Variants in PTPRT observed in about 807,000 individuals in gnomAD.
PTPRT encodes the protein protein tyrosine phosphatase receptor type T.
Under a neutral mutation model 176.8 loss-of-function variants are expected in PTPRT, and 56 were observed. The observed-to-expected ratio is 0.32, with a 90% CI of 0.26 to 0.40. The LOEUF is 0.40. PTPRT is among the 10% of genes least tolerant of loss of function. The pLI is 1.00. For missense variants in PTPRT, 1,540 were observed against 1,908.2 expected (o/e 0.81, Z 3.60); for synonymous variants, 783 against 739.0 (o/e 1.06, Z -0.96).
the PTPRT span, among the ~76,000 whole-genome samples, chr20:42,051,354 C>T: frequency 6.6e-5 from 10 of 152,280 alleles, no homozygotes; most frequent in East Asian, 1.9e-3. Context: ...GAATTGGGTG[C>T]AATGGCTTAT....
At chr20:42,359,724 G>C (rs1011412665) in intron 9 of PTPRT, among the ~76,000 whole-genome samples, 74 of 152,346 alleles carry the variant, frequency 4.9e-4, no homozygotes, top group African/African-American at 1.7e-3. Flanking sequence ...AGGCTTCCCT[G>C]CTTTCCAAAG....
At chr20:42,295,633 TGAGA>T (rs554284179) in intron 12 of PTPRT, among the ~76,000 whole-genome samples, 109 of 150,178 alleles carry the variant, frequency 7.3e-4, no homozygotes, top group Middle Eastern at 6.9e-3. Flanking sequence ...AACTAAAAAT[TGAGA>T]GAGAGAGAGA....
intron 11 of PTPRT, among the ~76,000 whole-genome samples, chr20:42,336,436 G>A (rs1025870930): frequency 6.6e-6 from 1 of 152,112 alleles, no homozygotes; most frequent in Non-Finnish European, 1.5e-5. Flanking sequence ...TGGGGGAGGG[G>A]GGGTTGTAAA....
chr20:42,238,233 C>T (rs961849859), intron 14 of PTPRT, among the ~76,000 whole-genome samples: 8 of 152,176 alleles, frequency 5.3e-5, no homozygotes, highest in Admixed American at 1.3e-4. Context: ...AAAGCCCAAC[C>T]CTACACACCC....
chr20:43,073,136 G>A (rs943392701), intron 1 of PTPRT, among the ~76,000 whole-genome samples: 5 of 152,070 alleles, frequency 3.3e-5, no homozygotes, highest in Non-Finnish European at 7.4e-5. Flanking sequence ...TATCATAAGG[G>A]GACCACACGC....
At position 42,823,940 on chromosome 20, in the gene PTPRT, T is replaced by TA. The variant is rs575660762; in HGVS notation, c.215-32475dup. ...AAAAAAGTTCAGTAAGATGAGTGGT[T>TA]AAAAAACAAATAGATAAAACACAAC... On this transcript the variant is annotated intron_variant, in intron 2 of 30. Transcript: ENST00000373187. Among the ~76,000 whole-genome samples the TA allele has an allele frequency of 2.5e-3, 373 of 151,870 alleles. 2 individuals are homozygous for TA. The highest frequency in any genetic ancestry group is 7.9e-3 in the African/African-American group (327 of 41,488).
chr20:42,457,388 T>G (rs542198324), intron 8 of PTPRT, among the ~76,000 whole-genome samples: 1 of 152,192 alleles, frequency 6.6e-6, no homozygotes, highest in Non-Finnish European at 1.5e-5. Context: ...GCGTATTAGT[T>G]TTTTTGTTTT....
chr20:42,181,544 T>TA (rs1990526412), intron 16 of PTPRT, among the ~76,000 whole-genome samples: 1 of 152,148 alleles, frequency 6.6e-6, no homozygotes, highest in African/African-American at 2.4e-5. Context: ...TCTATGGGAT[T>TA]AAAATCTAAG....
intron 8 of PTPRT, among the ~76,000 whole-genome samples, chr20:42,459,435 T>C (rs954960966): frequency 6.6e-6 from 1 of 152,174 alleles, no homozygotes; most frequent in Non-Finnish European, 1.5e-5. Flanking sequence ...TGGTGCTGTG[T>C]TGAGAAAAGA....
In PTPRT at chr20:42,265,265, A is replaced by G. The variant is rs2056820403; in HGVS notation, c.2177-16443T>C. Reference sequence around the variant, plus strand: ...TAATGTCTATGGGCACAGAGCATGGAGAGTATGATTACAGACTGTCTTGAG... The same window carrying G: ...TAATGTCTATGGGCACAGAGCATGGGGAGTATGATTACAGACTGTCTTGAG... On this transcript the variant is annotated intron_variant, in intron 13 of 30. Coordinates refer to ENST00000373187, the MANE Select transcript of PTPRT (RefSeq NM_007050.6). Among the ~76,000 whole-genome samples, 3 of 152,082 alleles carry G rather than the reference A, an allele frequency of 2.0e-5. No homozygotes were observed. The South Asian group carries it at 6.2e-4, about 32-fold the overall frequency.
chr20:42,892,230 T>C lies in PTPRT; in HGVS notation c.89-6298A>G, dbSNP rs377676200. ...TCACAGTTGAATGTAATGGAGGCTT[T>C]ACCTACAGTATCTAACCCTCACCAC... On this transcript the variant is annotated intron_variant, in intron 1 of 30. Transcript: ENST00000373187. Among the ~76,000 whole-genome samples the C allele has an allele frequency of 3.9e-5, 6 of 152,328 alleles. No homozygotes were observed. The East Asian group carries it at 9.6e-4, about 24-fold the overall frequency.
At chr20:42,517,965 C>T (rs558373705) in intron 7 of PTPRT, among the ~76,000 whole-genome samples, 52 of 151,992 alleles carry the variant, frequency 3.4e-4, no homozygotes, top group Non-Finnish European at 6.6e-4. Context: ...TTGTTCAAAT[C>T]GTCATCCTGA....
intron 1 of PTPRT, among the ~76,000 whole-genome samples, chr20:43,137,981 G>C (rs1253654767): frequency 6.6e-6 from 1 of 152,154 alleles, no homozygotes; most frequent in Non-Finnish European, 1.5e-5. Flanking sequence ...TTCAAGTTTT[G>C]TCTACCACCC....
In PTPRT at chr20:42,322,341, C is replaced by G. The variant is rs796124094; in HGVS notation, c.1866-6345G>C. Among the ~76,000 whole-genome samples, 647 of 149,498 alleles carry G rather than the reference C, an allele frequency of 4.3e-3. 7 individuals carry two copies. Among genetic ancestry groups the G allele is most frequent in the African/African-American group, 0.015 (610 of 39,604 alleles). ...AAAAGAACAAAGCTGGAGGCATCACCCTACCTGACTTCAAACTATACTACA... is the reference window on the plus strand; with the variant it reads ...AAAAGAACAAAGCTGGAGGCATCACGCTACCTGACTTCAAACTATACTACA... On this transcript the variant is annotated intron_variant, in intron 11 of 30. Coordinates refer to ENST00000373187, the MANE Select transcript of PTPRT (RefSeq NM_007050.6).
intron 14 of PTPRT, among the ~76,000 whole-genome samples, chr20:42,243,481 C>T (rs6030083): frequency 0.47 from 71,277 of 151,960 alleles, 18,693 homozygotes; most frequent in Non-Finnish European, 0.58. Context: ...GAGATGGTAA[C>T]ATTTGGGAGT....
the PTPRT span, among the ~76,000 whole-genome samples, chr20:42,052,086 A>G: frequency 2.6e-4 from 39 of 152,198 alleles, no homozygotes; most frequent in Non-Finnish European, 8.8e-5. Context: ...TTGCTTCCGG[A>G]CATCTGGGGT....
chr20:42,294,150 T>A (rs1323752336), intron 12 of PTPRT, among the ~76,000 whole-genome samples: 2 of 152,016 alleles, frequency 1.3e-5, no homozygotes, highest in African/African-American at 4.8e-5. Flanking sequence ...GTAAAAACAA[T>A]TTGGAAGAGA....
At chr20:42,515,206 TG>T (rs570327272) in intron 7 of PTPRT, among the ~76,000 whole-genome samples, 88 of 152,248 alleles carry the variant, frequency 5.8e-4, no homozygotes, top group African/African-American at 2.1e-3. Flanking sequence ...TGGACAAGTT[TG>T]GGCATGGTGG....
chr20:43,117,378 C>T (rs550467175), intron 1 of PTPRT, among the ~76,000 whole-genome samples: 2 of 152,312 alleles, frequency 1.3e-5, no homozygotes, highest in Non-Finnish European at 2.9e-5. Flanking sequence ...ATGTTTATCC[C>T]ATTCCATAAT....
Sources: allele counts gnomAD v4.1 joint callset (sites outside exome capture counted in the v4.1 genomes callset), GRCh38; gene constraint gnomAD v4.1.1; transcripts MANE v1.5; gene names NCBI Gene and HGNC (gene_info 2026-07-23, HGNC 2026-07-21).